RHOT2: variants seen among roughly 807,000 people sequenced by gnomAD.
RHOT2 encodes the protein ras homolog family member T2.
A neutral mutation model predicts 81.6 loss-of-function variants in RHOT2; 90 were observed. The ratio of observed to expected loss-of-function variants is 1.10; its 90% CI spans 0.93 to 1.31. The LOEUF (loss-of-function observed/expected upper bound fraction) is 1.31, where lower values mean the gene tolerates loss of function less well. Among genes scored for constraint, RHOT2 ranks in the 40% most tolerant of loss-of-function variants. The pLI is 0.00. For synonymous variants in RHOT2, 512 were observed against 370.9 expected, an observed-to-expected ratio of 1.38 and a Z score of -4.37; for missense variants, 1,014 against 841.9, an observed-to-expected ratio of 1.20 and a Z score of -2.53.
Position 672,049 on chromosome 16 carries a change from C to A in RHOT2, c.1098-35C>A, listed in dbSNP as rs748826452. On this transcript the variant is annotated intron_variant, in intron 13 of 18. Transcript: ENST00000315082. Reference sequence around the variant, plus strand: ...CCCGCCTGCCGCACCACCCTCCCCACCATAACACTGTGCCTGCCTCCCGCC... The same window carrying A: ...CCCGCCTGCCGCACCACCCTCCCCAACATAACACTGTGCCTGCCTCCCGCC... 62 of 1,612,220 alleles carry A rather than the reference C, an allele frequency of 3.8e-5. No individual in the cohort carries two copies. In the South Asian group the frequency reaches 6.4e-4, roughly 17 times the overall value.
At position 671,995 on chromosome 16, in the gene RHOT2, C is replaced by T. The variant is rs769409034; in HGVS notation, c.1090C>T (p.Gln364Ter). ...GTTGCCCCTGCACGGATACCTCTGC[C>T]AGTGGACGTAAGTGCGGCCCACACC... ...GRLPLHGYLCQWTLVTYLDVR... is the reference protein window; with the variant it reads ...GRLPLHGYLC Residue 364 changes from glutamine (Q) to a stop codon, truncating the protein, a stop_gained, in exon 13 of 19, where the codon CAG becomes TAG. Transcript: ENST00000315082. LOFTEE classifies it high-confidence loss of function. 6.2e-7 allele frequency: 1 copy of T among 1,611,914 alleles called. No homozygotes were observed. The highest frequency in any genetic ancestry group is 1.7e-5 in the Admixed American group (1 of 59,990).
chr16:668,304 G>C (rs142911734), intron 1 of RHOT2, 49 bp from the exon 2 acceptor site: 6 of 1,239,628 alleles, frequency 4.8e-6, no homozygotes, highest in South Asian at 3.2e-5. Flanking sequence ...TCGGGGGTCG[G>C]GGGGCGCCGT....
At position 672,584 on chromosome 16, in the gene RHOT2, G is replaced by A. The variant is rs372620652; in HGVS notation, c.1404+18G>A. ...ACTTGATCGTGAGTGCTGGGGCGGC[G>A]CGGCCTGTGCCCGAGGGTGGACCCG... On this transcript the variant is annotated intron_variant, in intron 16 of 18. Coordinates refer to ENST00000315082, the MANE Select transcript of RHOT2 (RefSeq NM_138769.3). 131 of 1,611,816 alleles carry A rather than the reference G, an allele frequency of 8.1e-5. No individual in the cohort carries two copies. Among genetic ancestry groups the A allele is most frequent in the Non-Finnish European group, 1.1e-4 (126 of 1,179,478 alleles).
In RHOT2 at chr16:672,530, C is replaced by T. The variant is rs1431473640; in HGVS notation, c.1368C>T (p.Asp456=). ...TREQPPGYAI[D]TVQVNGQEKY... The stretch of plus-strand genomic sequence containing the variant: ...AGCAGCCTCCCGGCTACGCCATCGA[C>T]ACGGTGCAGGTCAATGGACAGGAGA... Residue 456 remains aspartate, a synonymous_variant, in exon 16 of 19, where the codon GAC becomes GAT. Coordinates refer to ENST00000315082, the MANE Select transcript of RHOT2 (RefSeq NM_138769.3). 1 of 1,612,658 alleles carries T rather than the reference C, an allele frequency of 6.2e-7. No homozygotes were observed. The highest frequency in any genetic ancestry group is 1.1e-5 in the South Asian group (1 of 91,090).
At chr16:673,437 G>C in intron 18 of RHOT2, 43 bp from the exon 19 acceptor site, 2 of 1,611,520 alleles carry the variant, frequency 1.2e-6, no homozygotes, top group Middle Eastern at 1.7e-4. Flanking sequence ...CAAGCTGGGG[G>C]CATGTGCCTG....
chr16:670,160 C>A lies in RHOT2; in HGVS notation c.314C>A (p.Thr105Asn). The A allele has an allele frequency of 6.3e-7, 1 of 1,594,022 alleles. No homozygotes were observed. Among genetic ancestry groups the A allele is most frequent in the Non-Finnish European group, 8.5e-7 (1 of 1,171,256 alleles). The stretch of plus-strand genomic sequence containing the variant: ...TGGATCCCACTGGTGAATGGGGGGA[C>A]CACGCAGGGGCCCAGGTAATGAGGG... Reference protein sequence around the residue: ...TKWIPLVNGGTTQGPRVPIIL... With the variant: ...TKWIPLVNGGNTQGPRVPIIL... Residue 105 changes from threonine to asparagine, a missense_variant, in exon 6 of 19, where the codon ACC becomes AAC. Coordinates refer to ENST00000315082, the MANE Select transcript of RHOT2 (RefSeq NM_138769.3).
rs900098483 is a variant in RHOT2, at chr16:669,556, A to G, written c.226A>G (p.Asn76Asp). The change falls in exon 5 of 19, where the codon AAC (asparagine) becomes GAC (aspartate). Residue 76 changes from asparagine (N) to aspartate (D), a missense_variant. Asn to Asp is a conservative substitution (Grantham distance 23). Coordinates refer to ENST00000315082, the MANE Select transcript of RHOT2 (RefSeq NM_138769.3). The stretch of plus-strand genomic sequence containing the variant: ...CACCTCATCACTGTTCCCTCAGGCA[A>G]ACGTGGTGTGTGTGGTGTATGACGT... ...EELREEIHKA[N>D]VVCVVYDVSE... is the part of the protein sequence containing the mutation. 4 of 1,611,800 alleles carry G rather than the reference A, an allele frequency of 2.5e-6. No individual in the cohort carries two copies. In the African/African-American group the frequency reaches 4.0e-5, roughly 16 times the overall value.
In RHOT2 at chr16:672,394, C is replaced by T. The variant is rs1196022813; in HGVS notation, c.1326+10C>T. 6.2e-7 allele frequency: 1 copy of T among 1,608,162 alleles called. No individual in the cohort carries two copies. Among genetic ancestry groups the T allele is most frequent in the Non-Finnish European group, 8.5e-7 (1 of 1,177,180 alleles). ...CGGCCGCGGCCTGGGGGTAAGCACC[C>T]TAGACTCCCCCACCACCCCAGGGGC... On this transcript the variant is annotated intron_variant, in intron 15 of 18. Transcript: ENST00000315082.
chr16:673,418 G>A, intron 18 of RHOT2, 62 bp from the exon 19 acceptor site: 9 of 1,606,806 alleles, frequency 5.6e-6, no homozygotes, highest in Non-Finnish European at 7.6e-6. Flanking sequence ...ATGGGAGGGT[G>A]CCCAGCAGCA....
rs973447385 is a variant in RHOT2, at chr16:668,472, C to T, written c.97-16C>T. On this transcript the variant is annotated splice_polypyrimidine_tract_variant and intron_variant, in intron 2 of 18. Transcript: ENST00000315082. ...CCCAGCCGGGGGTCCCTGGTGAGCG[C>T]GCGGGTCCCTTGCAGGTCCCTCCCC... 1 of 1,596,616 alleles carries T rather than the reference C, an allele frequency of 6.3e-7. No individual in the cohort carries two copies.
intron 4 of RHOT2, 135 bp from the exon 5 acceptor site, chr16:669,418 C>T (rs2038520755): frequency 1.2e-6 from 1 of 821,504 alleles, no homozygotes; most frequent in African/African-American, 1.7e-5. Context: ...CTGGGCTTTC[C>T]CGGCCTCAGA....
At position 672,488 on chromosome 16, in the gene RHOT2, G is replaced by A. The variant is rs1215061582; in HGVS notation, c.1327-1G>A. The stretch of plus-strand genomic sequence containing the variant: ...GAGTGTCAGGACTTCACCTCCCTCA[G>A]CACCAGGACACGAGGGAGCAGCCTC... On this transcript the variant is annotated splice_acceptor_variant, in intron 15 of 18. Coordinates refer to ENST00000315082, the MANE Select transcript of RHOT2 (RefSeq NM_138769.3). LOFTEE classifies it high-confidence loss of function. 6.8e-6 allele frequency: 11 copies of A among 1,612,366 alleles called. No homozygotes were observed. The highest frequency in any genetic ancestry group is 9.3e-6 in the Non-Finnish European group (11 of 1,179,880).
chr16:669,513 C>T lies in RHOT2; in HGVS notation c.223-40C>T, dbSNP rs769169038. On this transcript the variant is annotated intron_variant, in intron 4 of 18. Transcript: ENST00000315082. Reference sequence around the variant, plus strand: ...ACGGCCAGGGTCGTCGGTGGTGAGCCAGCAGCCCTGTCACCCACACCTCAT... The same window carrying T: ...ACGGCCAGGGTCGTCGGTGGTGAGCTAGCAGCCCTGTCACCCACACCTCAT... 2.5e-6 allele frequency: 4 copies of T among 1,605,024 alleles called. No homozygotes were observed. The East Asian group carries it at 6.7e-5, about 27-fold the overall frequency.
chr16:669,766 C>T lies in RHOT2; in HGVS notation c.276+160C>T, dbSNP rs372289467. The T allele has an allele frequency of 5.0e-5, 36 of 716,832 alleles. No homozygotes were observed. The Admixed American group carries it at 7.4e-4, about 15-fold the overall frequency. The allele number at this position is 716,832 out of a possible 1,614,324, so 44.4% of individuals were successfully genotyped here. A position where few individuals can be genotyped will look rare whatever the true frequency, so the allele number is the denominator to read the frequency against. ...GAGTCACCCGGCCCTCTCCTGTGAT[C>T]CCACTTCCCCTGAGAGGGTCTGGGG... On this transcript the variant is annotated intron_variant, in intron 5 of 18. Coordinates refer to ENST00000315082, the MANE Select transcript of RHOT2 (RefSeq NM_138769.3).
intron 18 of RHOT2, 99 bp from the exon 19 acceptor site, chr16:673,381 G>T: frequency 6.4e-7 from 1 of 1,563,386 alleles, no homozygotes. Flanking sequence ...TGGGATCCCC[G>T]CCTGTGGGGC....
intron 3 of RHOT2, 32 bp from the exon 4 acceptor site, chr16:668,624 G>C (rs540426577): frequency 2.5e-5 from 40 of 1,609,198 alleles, no homozygotes; most frequent in South Asian, 9.9e-5. Flanking sequence ...CGGGCCTGCT[G>C]GGTCCGCAGT....
At chr16:672,049 CCAT>C in intron 13 of RHOT2, 32 bp from the exon 14 acceptor site, 1 of 1,612,338 alleles carries the variant, frequency 6.2e-7, no homozygotes, top group Non-Finnish European at 8.5e-7. Flanking sequence ...ACCCTCCCCA[CCAT>C]AACACTGTGC....
chr16:668,511 C>T lies in RHOT2; in HGVS notation c.120C>T (p.Ile40=), dbSNP rs770783776. 1 of 1,609,376 alleles carries T rather than the reference C, an allele frequency of 6.2e-7. No homozygotes were observed. Among genetic ancestry groups the T allele is most frequent in the Non-Finnish European group, 8.5e-7 (1 of 1,178,512 alleles). ...PEEVPPRAEE[I]TIPADVTPEK... ...AGGTCCCTCCCCGCGCGGAGGAGATCACCATCCCCGCGGACGTCACCCCGG... is the reference window on the plus strand; with the variant it reads ...AGGTCCCTCCCCGCGCGGAGGAGATTACCATCCCCGCGGACGTCACCCCGG... Residue 40 remains isoleucine (I), a synonymous_variant, in exon 3 of 19, where the codon ATC becomes ATT. Coordinates refer to ENST00000315082, the MANE Select transcript of RHOT2 (RefSeq NM_138769.3).
intron 12 of RHOT2, 29 bp downstream of exon 12, chr16:671,810 G>GCCCCTCCCCCCC: frequency 1.9e-6 from 3 of 1,586,222 alleles, no homozygotes; most frequent in South Asian, 2.2e-5. Context: ...CCCTGCCCCT[G>GCCCCTCCCCCCC]CCCCCGCCCC....
Sources: gnomAD v4.1 joint callset for allele counts on GRCh38, gnomAD v4.1.1 for gene constraint, MANE v1.5 for transcripts, NCBI Gene and HGNC (gene_info 2026-07-23, HGNC 2026-07-21) for gene names.